Variants in COL6A3 observed in about 807,000 individuals in gnomAD.
The protein encoded by COL6A3 is collagen type VI alpha 3 chain.
COL6A3 carries 137 observed loss-of-function variants against 274.1 expected under a neutral mutation model. The ratio of observed to expected loss-of-function variants is 0.50; its 90% CI spans 0.44 to 0.58. The LOEUF (loss-of-function observed/expected upper bound fraction) is 0.58, where lower values mean the gene tolerates loss of function less well. COL6A3 is among the 20% of genes least tolerant of loss of function. COL6A3 has a pLI of 0.00. For synonymous variants in COL6A3, 1,650 were observed against 1,650.6 expected (o/e 1.00, Z 0.01); for missense variants, 3,950 against 4,124.9 (o/e 0.96, Z 1.16).
intron 6 of COL6A3, 113 bp from the exon 7 acceptor site, chr2:237,377,457 C>T (rs1479877948): frequency 1.6e-5 from 16 of 1,011,330 alleles, no homozygotes; most frequent in Middle Eastern, 2.8e-4. Context: ...ATCTGATGAC[C>T]ACTGTGCCAG....
chr2:237,380,782 A>G (rs1262964816), intron 5 of COL6A3, 133 bp downstream of exon 5: 5 of 850,498 alleles, frequency 5.9e-6, no homozygotes, highest in Non-Finnish European at 9.6e-6. Flanking sequence ...CCTGGAATAA[A>G]TCATGTTCGT....
In COL6A3 at chr2:237,366,976, G is replaced by C. The variant is rs748680452; in HGVS notation, c.5211C>G (p.Ser1737Arg). The C allele has an allele frequency of 6.2e-7, 1 of 1,614,136 alleles. No homozygotes were observed. Among genetic ancestry groups the C allele is most frequent in the Non-Finnish European group, 8.5e-7 (1 of 1,180,054 alleles). Reference protein sequence around the residue: ...RVNHFVPEAGSRLDQRVPQIA... With the variant: ...RVNHFVPEAGRRLDQRVPQIA... ...TCTGAGGGACCCGCTGGTCCAGGCG[G>C]CTGCCTGCCTCAGGCACAAAGTGGT... The change falls in exon 11 of 44, where the codon AGC becomes AGG. Residue 1737 changes from serine (S) to arginine (R), a missense_variant. By Grantham distance (110) the Ser-to-Arg change is moderately radical (BLOSUM62 -1). Around this residue, in one of 5 missense-constraint regions of COL6A3, gnomAD observed 632 missense variants for 623.4 expected, o/e 1.01. Transcript: ENST00000295550.
intron 42 of COL6A3, 120 bp downstream of exon 42, chr2:237,333,330 G>T: frequency 1.2e-6 from 1 of 864,398 alleles, no homozygotes. Flanking sequence ...GAGCTGACGT[G>T]GACCTTTTCC....
chr2:237,401,690 A>ATTT lies in COL6A3; in HGVS notation c.-30-4846_-30-4844dup, dbSNP rs60843699. On this transcript the variant is annotated intron_variant, in intron 1 of 43. Transcript: ENST00000295550. ...CTGTTATTACACCACTTATACTGTAATTTTTTTTTTTTGAGACAGGGTCTC... is the reference window on the plus strand; with the variant it reads ...CTGTTATTACACCACTTATACTGTAATTTTTTTTTTTTTTTGAGACAGGGTCTC... Among the ~76,000 whole-genome samples, 314 of 148,348 alleles carry ATTT rather than the reference A, an allele frequency of 2.1e-3. 2 individuals carry two copies. The highest frequency in any genetic ancestry group is 7.3e-3 in the African/African-American group (295 of 40,476).
chr2:237,333,637 G>C lies in COL6A3; in HGVS notation c.9230-89C>G, dbSNP rs1056775423. 19 of 1,100,036 alleles carry C rather than the reference G, an allele frequency of 1.7e-5. No homozygotes were observed. In the African/African-American group the frequency reaches 2.9e-4, roughly 17 times the overall value. 68.1% of individuals were successfully genotyped at this position (1,100,036 alleles called of 1,614,324 possible). A position where few individuals can be genotyped will look rare whatever the true frequency, so the allele number is the denominator to read the frequency against. ...AGTGACTGATATAAGGTTGCCTGCT[G>C]TGATTAATGTCTTATGTTGGGGAGT... On this transcript the variant is annotated intron_variant, in intron 41 of 43. Coordinates refer to ENST00000295550, the MANE Select transcript of COL6A3 (RefSeq NM_004369.4).
chr2:237,377,410 G>T, intron 6 of COL6A3, 66 bp from the exon 7 acceptor site: 1 of 1,498,064 alleles, frequency 6.7e-7, no homozygotes, highest in Non-Finnish European at 9.2e-7. Context: ...AGCGACTTCA[G>T]CCCAGCACCA....
chr2:237,336,271 C>T lies in COL6A3; in HGVS notation c.8829G>A (p.Lys2943=). The T allele has an allele frequency of 6.2e-7, 1 of 1,614,012 alleles. No homozygotes were observed. The highest frequency in any genetic ancestry group is 8.5e-7 in the Non-Finnish European group (1 of 1,179,932). Residue 2943 remains lysine, a synonymous_variant, in exon 40 of 44, where the codon AAG becomes AAA. Coordinates refer to ENST00000295550, the MANE Select transcript of COL6A3 (RefSeq NM_004369.4). ...PVAVKPATAA[K]PVAAKPAAVR... ...CAGCTGCTGGCTTTGCTGCTACAGG[C>T]TTCGCTGCCGTTGCTGGCTTCACCG...
chr2:237,367,203 C>G lies in COL6A3; in HGVS notation c.4984G>C (p.Val1662Leu). ...TAAACTGTGTCCACTATTTCAGACA[C>G]AAAACGAAGCACTTCCTGGAAACTG... Reference protein sequence around the residue: ...RDSFQEVLRFVSEIVDTVYED... With the variant: ...RDSFQEVLRFLSEIVDTVYED... The change falls in exon 11 of 44, where the codon GTG becomes CTG. Residue 1662 changes from valine (V) to leucine (L), a missense_variant. Val to Leu is a conservative substitution (Grantham distance 32, BLOSUM62 1). This residue lies in a region of COL6A3 where 632 missense variants were observed against 623.4 expected (regional missense o/e 1.01). Transcript: ENST00000295550. The G allele has an allele frequency of 1.9e-6, 3 of 1,613,978 alleles. No individual in the cohort carries two copies. The highest frequency in any genetic ancestry group is 2.5e-6 in the Non-Finnish European group (3 of 1,179,870).
chr2:237,350,313 C>T (rs2077179267), intron 27 of COL6A3, 104 bp from the exon 28 acceptor site: 1 of 995,774 alleles, frequency 1.0e-6, no homozygotes, highest in Non-Finnish European at 1.6e-6. Flanking sequence ...AACATGCTGA[C>T]TTCACCTTTG....
intron 23 of COL6A3, 192 bp from the exon 24 acceptor site, chr2:237,355,126 T>C (rs916781950): frequency 1.1e-5 from 6 of 540,134 alleles, no homozygotes; most frequent in Non-Finnish European, 2.0e-5. Flanking sequence ...CAGACACCCT[T>C]CCTCCACCCT....
Position 237,371,935 on chromosome 2 carries a change from T to G in COL6A3, c.4082A>C (p.Gln1361Pro), listed in dbSNP as rs769263699. The change falls in exon 9 of 44, where the codon CAG becomes CCG. Residue 1361 changes from glutamine (Q) to proline (P), a missense_variant. By Grantham distance (76) the Gln-to-Pro change is moderately conservative. Transcript: ENST00000295550. This position sits in a 1 kb window ranked among gnomAD's most constrained non-coding sequence, Gnocchi z 4.3. ...EVDDPAVELK[Q>P]FGVAPFTIAR... is the part of the protein sequence containing the mutation. ...GATCGTGAAAGGGGCCACGCCAAAC[T>G]GCTTGAGCTCCACCGCCGGGTCGTC... 5 of 1,613,954 alleles carry G rather than the reference T, an allele frequency of 3.1e-6. No individual in the cohort carries two copies. Among genetic ancestry groups the G allele is most frequent in the Non-Finnish European group, 3.4e-6 (4 of 1,180,028 alleles).
At chr2:237,351,291 G>T (rs573925686) in intron 26 of COL6A3, 99 bp from the exon 27 acceptor site, 5 of 1,153,620 alleles carry the variant, frequency 4.3e-6, no homozygotes, top group Admixed American at 3.5e-5. Flanking sequence ...GTCAGAGCCC[G>T]CCAGGGGCAT....
chr2:237,366,101 C>T (rs1007813402), intron 11 of COL6A3, 66 bp from the exon 12 acceptor site: 1 of 1,428,882 alleles, frequency 7.0e-7, no homozygotes, highest in African/African-American at 1.4e-5. Context: ...CTACTTATAC[C>T]AGCAGTAGGG....
chr2:237,358,598 C>T lies in COL6A3; in HGVS notation c.6409-15G>A, dbSNP rs1553553017. ...CCTTTATCACCCTAAAGAAAAAGCACAAGTGGATGCTAAAAACTAGATGTT... is the reference window on the plus strand; with the variant it reads ...CCTTTATCACCCTAAAGAAAAAGCATAAGTGGATGCTAAAAACTAGATGTT... On this transcript the variant is annotated splice_polypyrimidine_tract_variant and intron_variant, in intron 20 of 43. Transcript: ENST00000295550. The T allele has an allele frequency of 6.2e-7, 1 of 1,608,568 alleles. No homozygotes were observed. The highest frequency in any genetic ancestry group is 8.5e-7 in the Non-Finnish European group (1 of 1,175,024).
chr2:237,381,230 C>T lies in COL6A3; in HGVS notation c.1582G>A (p.Ala528Thr), dbSNP rs777431339. The T allele has an allele frequency of 3.7e-6, 6 of 1,614,262 alleles. No individual in the cohort carries two copies. Among genetic ancestry groups the T allele is most frequent in the Non-Finnish European group, 5.1e-6 (6 of 1,180,048 alleles). Residue 528 changes from alanine to threonine, a missense_variant, in exon 5 of 44, where the codon GCT becomes ACT. Coordinates refer to ENST00000295550, the MANE Select transcript of COL6A3 (RefSeq NM_004369.4). ...AGGTTGTTACGAACAAAGTCTAGAG[C>T]AGAGCCCGTGTACAGGGCCGAGCCG... ...LDGSALYTGS[A>T]LDFVRNNLFT...
In COL6A3 at chr2:237,394,753, A is replaced by T. The variant is rs898779231; in HGVS notation, c.543T>A (p.Asp181Glu). ...TTGCTATTTCTTTTAACGCTCCTTC[A>T]TCTGCATCCTCAACTCCAATTGCAA... is the stretch of plus-strand genomic sequence containing the variant. The part of the protein sequence containing the change: ...NVFAIGVEDA[D>E]EGALKEIASE... Residue 181 changes from aspartate (D) to glutamate (E), a missense_variant, in exon 3 of 44, where the codon GAT (aspartate) becomes GAA (glutamate). Asp to Glu is a conservative substitution (Grantham distance 45). Coordinates refer to ENST00000295550, the MANE Select transcript of COL6A3 (RefSeq NM_004369.4). 2.5e-6 allele frequency: 4 copies of T among 1,614,122 alleles called. No individual in the cohort carries two copies. In the African/African-American group the frequency reaches 4.0e-5, roughly 16 times the overall value.
At chr2:237,397,200 G>A (rs1302328615) in intron 1 of COL6A3, among the ~76,000 whole-genome samples, 2 of 146,466 alleles carry the variant, frequency 1.4e-5, no homozygotes, top group Non-Finnish European at 3.0e-5. Flanking sequence ...GGAAGGGAAG[G>A]AAGGAAGAAG....
chr2:237,340,866 T>G lies in COL6A3; in HGVS notation c.8050A>C (p.Lys2684Gln), dbSNP rs886055803. Residue 2684 changes from lysine (K) to glutamine (Q), a missense_variant, in exon 38 of 44, where the codon AAG (lysine) becomes CAG (glutamine). Physicochemically the swap from Lys to Gln is moderately conservative, Grantham distance 53. Coordinates refer to ENST00000295550, the MANE Select transcript of COL6A3 (RefSeq NM_004369.4). ...TAGTCAGTCAGGGAGAATTCCACCT[T>G]CACAGGTGGCATGCTGGCATTGTCC... ...SVDNASMPPV[K>Q]VEFSLTDYGS... is the part of the protein sequence containing the mutation. 6 of 1,613,920 alleles carry G rather than the reference T, an allele frequency of 3.7e-6. No homozygotes were observed. Among genetic ancestry groups the G allele is most frequent in the East Asian group, 4.5e-5 (2 of 44,876 alleles).
intron 42 of COL6A3, among the ~76,000 whole-genome samples, chr2:237,330,624 T>A (rs1015825902): frequency 2.0e-5 from 3 of 152,170 alleles, no homozygotes; most frequent in Non-Finnish European, 2.9e-5. Flanking sequence ...AGAATCAACC[T>A]TCATCTCAAA....
Sources: gnomAD v4.1 joint callset for allele counts (sites outside exome capture counted in the v4.1 genomes callset) on GRCh38, gnomAD v4.1.1 for gene constraint, gnomAD v4.1.1 regional missense constraint, Gnocchi (gnomAD v3.1) non-coding constraint, MANE v1.5 for transcripts, NCBI Gene and HGNC (gene_info 2026-07-23, HGNC 2026-07-21) for gene names.